WTAP: variants seen among roughly 807,000 people sequenced by gnomAD.
WTAP encodes the protein WT1 associated protein, also known as pre-mRNA-splicing regulator WTAP.
In WTAP, 8 loss-of-function variants were observed where a neutral mutation model predicts 50.0. The ratio of observed to expected loss-of-function variants is 0.16; its 90% CI spans 0.09 to 0.29. WTAP has a LOEUF of 0.29. Among genes scored for constraint, WTAP ranks in the 10% least tolerant of loss-of-function variants. The pLI is 1.00. For synonymous variants in WTAP, 194 were observed against 169.0 expected (o/e 1.15, Z -1.15); for missense variants, 295 against 470.7 (o/e 0.63, Z 3.45).
At chr6:159,747,996 A>G (rs544840865) in intron 5 of WTAP, among the ~76,000 whole-genome samples, 195 bp from the exon 6 acceptor site, 1 of 152,334 alleles carries the variant, frequency 6.6e-6, no homozygotes, top group East Asian at 1.9e-4. Flanking sequence ...CGGGGTAATT[A>G]GCATATTCAT....
At position 159,753,625 on chromosome 6, in the gene WTAP, T is replaced by G. The variant is rs1779897576; in HGVS notation, c.607+11T>G. 3.1e-6 allele frequency: 5 copies of G among 1,590,632 alleles called. No homozygotes were observed. In the South Asian group the frequency reaches 4.6e-5, roughly 14 times the overall value. On this transcript the variant is annotated intron_variant, in intron 7 of 7. Transcript: ENST00000621533. ...AAAGCAGTCAGGATGGTAAGGGGTT[T>G]GTTTCTTTTTGGAACGTTGTCTCAA...
rs565097452 is a variant in WTAP at position 159,748,049 on chromosome 6, T to G, written c.274-142T>G. The G allele has an allele frequency of 1.8e-6, 2 of 1,122,812 alleles. No homozygotes were observed. The highest frequency in any genetic ancestry group is 3.4e-5 in the South Asian group (2 of 58,060). 69.6% of individuals were successfully genotyped at this position (1,122,812 alleles called of 1,614,324 possible). On this transcript the variant is annotated intron_variant, in intron 5 of 7. Coordinates refer to ENST00000621533, the MANE Select transcript of WTAP (RefSeq NM_001270531.2). This position sits in a 1 kb window ranked among gnomAD's most constrained non-coding sequence, Gnocchi z 5.6. The stretch of plus-strand genomic sequence containing the variant: ...GTACTTTTTCTAGAAAGTTTTAAGA[T>G]TTTTCTAGAGAATTTCAGGATCAAA...
rs980020916 is a variant in WTAP, at chr6:159,727,630, C to T, written c.-82C>T. On this transcript the variant is annotated 5_prime_UTR_variant, in exon 1 of 8. Transcript: ENST00000621533. ...TCCGGCTGCGCGGTGGCCCGGGGGG[C>T]CCGGGCGGCAGGGCAAGCAGCGCGG... The T allele has an allele frequency of 6.1e-6, 6 of 985,790 alleles. No homozygotes were observed. Among genetic ancestry groups the T allele is most frequent in the Non-Finnish European group, 6.0e-6 (5 of 830,530 alleles). The allele number at this position is 985,790 out of a possible 1,614,324, so 61.1% of individuals were successfully genotyped here. A position where few individuals can be genotyped will look rare whatever the true frequency, so the allele number is the denominator to read the frequency against.
At chr6:159,727,922 C>G (rs1778308086) in intron 1 of WTAP, among the ~76,000 whole-genome samples, 1 of 152,224 alleles carries the variant, frequency 6.6e-6, no homozygotes, top group Non-Finnish European at 1.5e-5. Context: ...TCCCCAAGGC[C>G]CGGGTTGAGA....
At chr6:159,753,296 A>G (rs1455451738) in intron 6 of WTAP, 164 bp from the exon 7 acceptor site, 7 of 1,027,550 alleles carry the variant, frequency 6.8e-6, no homozygotes, top group Non-Finnish European at 9.7e-6. Context: ...AAATACTGAA[A>G]TGCAGAAGAT....
intron 4 of WTAP, among the ~76,000 whole-genome samples, chr6:159,742,604 T>A (rs1247221317): frequency 6.6e-6 from 1 of 152,204 alleles, no homozygotes; most frequent in Non-Finnish European, 1.5e-5. Flanking sequence ...ATAACGTTTA[T>A]CATTTTAAGC....
intron 5 of WTAP, among the ~76,000 whole-genome samples, chr6:159,746,749 A>C (rs138686774): frequency 1.7e-4 from 26 of 152,294 alleles, no homozygotes; most frequent in African/African-American, 6.3e-4. Flanking sequence ...TCTTTTGCCA[A>C]TCAACTCAAA....
In WTAP at chr6:159,755,505, C is replaced by G. The variant is rs1428205610; in HGVS notation, c.1085C>G (p.Pro362Arg). The G allele has an allele frequency of 1.2e-6, 2 of 1,614,026 alleles. No homozygotes were observed. Among genetic ancestry groups the G allele is most frequent in the Admixed American group, 1.7e-5 (1 of 60,002 alleles). ...QSNDTDSSHD[P>R]QEEKAVSGKG... ...AATGACACAGACTCCAGTCATGACC[C>G]TCAAGAGGAGAAAGCAGTGAGTGGG... The change falls in exon 8 of 8, where the codon CCT becomes CGT. Residue 362 changes from proline (P) to arginine (R), a missense_variant. Around this residue, in one of 2 missense-constraint regions of WTAP, gnomAD observed 175 missense variants for 183.1 expected, o/e 0.96. Coordinates refer to ENST00000621533, the MANE Select transcript of WTAP (RefSeq NM_001270531.2).
At chr6:159,742,175 C>G (rs2114922353) in intron 4 of WTAP, 29 bp downstream of exon 4, 2 of 1,524,430 alleles carry the variant, frequency 1.3e-6, no homozygotes, top group East Asian at 4.5e-5. Context: ...TTCCTAAAGA[C>G]TGAATAATCT....
At chr6:159,742,308 A>G (rs142548184) in intron 4 of WTAP, among the ~76,000 whole-genome samples, 162 bp downstream of exon 4, 116 of 152,338 alleles carry the variant, frequency 7.6e-4, no homozygotes, top group Middle Eastern at 3.4e-3. Flanking sequence ...ATAAAGATGA[A>G]TGAGACACAG....
intron 1 of WTAP, among the ~76,000 whole-genome samples, chr6:159,731,120 A>C (rs182781655): frequency 2.1e-4 from 31 of 150,726 alleles, no homozygotes; most frequent in African/African-American, 6.8e-4. Context: ...CAGCCTGGGC[A>C]ACAGAGAGAG....
At chr6:159,743,499 C>T (rs2114927882) in intron 4 of WTAP, among the ~76,000 whole-genome samples, 166 bp from the exon 5 acceptor site, 1 of 152,282 alleles carries the variant, frequency 6.6e-6, no homozygotes, top group East Asian at 1.9e-4. Context: ...CCATTGTCTC[C>T]TAAAGGAGCT....
chr6:159,726,817 G>A (rs767840577), upstream of WTAP: 10 of 1,289,220 alleles, frequency 7.8e-6, no homozygotes, highest in South Asian at 9.9e-5. Flanking sequence ...ACTGATGAGA[G>A]GGAAGGCATC....
rs1779984995 is a variant in WTAP, at chr6:159,755,760, C to CTTTTTTT, written c.*153_*154insTTTTTTT. ...TGTTTTTTTTCTTTGTTTTTTTTTT[C>CTTTTTTT]TTTTCTTTTTTTTTTTTTTTTTTTT... On this transcript the variant is annotated 3_prime_UTR_variant, in exon 8 of 8. Coordinates refer to ENST00000621533, the MANE Select transcript of WTAP (RefSeq NM_001270531.2). The CTTTTTTT allele has an allele frequency of 2.1e-5, 6 of 283,704 alleles. No individual in the cohort carries two copies. Among genetic ancestry groups the CTTTTTTT allele is most frequent in the African/African-American group, 1.0e-4 (2 of 19,976 alleles). 17.6% of individuals were successfully genotyped at this position (283,704 alleles called of 1,614,324 possible). A position where few individuals can be genotyped will look rare whatever the true frequency, so the allele number is the denominator to read the frequency against.
At chr6:159,754,880 A>G in intron 7 of WTAP, 148 bp from the exon 8 acceptor site, 1 of 914,048 alleles carries the variant, frequency 1.1e-6, no homozygotes, top group Non-Finnish European at 1.6e-6. Context: ...TTAAGATTCC[A>G]AGCAAAATTT....
At chr6:159,740,183 T>A (rs1300668242) in intron 3 of WTAP, among the ~76,000 whole-genome samples, 2 of 152,092 alleles carry the variant, frequency 1.3e-5, no homozygotes, top group African/African-American at 4.8e-5. Context: ...TTGTATACTT[T>A]TTTTAATGCC....
At chr6:159,741,383 A>G (rs1175930822) in intron 3 of WTAP, among the ~76,000 whole-genome samples, 2 of 152,208 alleles carry the variant, frequency 1.3e-5, no homozygotes, top group Non-Finnish European at 2.9e-5. Flanking sequence ...TACTACCTTG[A>G]GAAGAGTCAC....
At chr6:159,743,246 C>T (rs562922326) in intron 4 of WTAP, among the ~76,000 whole-genome samples, 62 of 152,176 alleles carry the variant, frequency 4.1e-4, no homozygotes, top group Middle Eastern at 6.8e-3. Context: ...GGTGTTTCAC[C>T]GTGTTGGTTA....
At chr6:159,730,662 A>C (rs547689959) in intron 1 of WTAP, among the ~76,000 whole-genome samples, 1 of 152,302 alleles carries the variant, frequency 6.6e-6, no homozygotes, top group Non-Finnish European at 1.5e-5. Flanking sequence ...CATCAGATTA[A>C]AGTTGAGGAA....
Sources: gnomAD v4.1 joint callset for allele counts (sites outside exome capture counted in the v4.1 genomes callset) on GRCh38, gnomAD v4.1.1 for gene constraint, gnomAD v4.1.1 regional missense constraint, Gnocchi (gnomAD v3.1) non-coding constraint, MANE v1.5 for transcripts, NCBI Gene and HGNC (gene_info 2026-07-23, HGNC 2026-07-21) for gene names.